EHD1: variants seen among roughly 807,000 people sequenced by gnomAD.
EHD1 encodes the protein EH domain containing 1.
In EHD1, 19 loss-of-function variants were observed where a neutral mutation model predicts 39.0. The ratio of observed to expected loss-of-function variants is 0.49; its 90% CI spans 0.34 to 0.72. EHD1 has a LOEUF of 0.72. Ranked by LOEUF, EHD1 falls within the 30% of genes least tolerant of loss-of-function variation. The pLI is 0.01. For synonymous variants in EHD1, 323 were observed against 331.2 expected (o/e 0.98, Z 0.27); for missense variants, 542 against 751.5 (o/e 0.72, Z 3.26).
rs1290798473 is a variant in EHD1 at position 64,860,087 on chromosome 11, C to T, written c.752G>A (p.Arg251Lys). 1 of 1,614,076 alleles carries T rather than the reference C, an allele frequency of 6.2e-7. No individual in the cohort carries two copies. The highest frequency in any genetic ancestry group is 8.5e-7 in the Non-Finnish European group (1 of 1,180,038). The change falls in exon 3 of 5, where the codon AGG (arginine) becomes AAG (lysine). Residue 251 changes from arginine (R) to lysine (K), a missense_variant. Transcript: ENST00000320631. The part of the protein sequence containing the change: ...GKIINTPEVV[R>K]VYIGSFWSHP... The stretch of plus-strand genomic sequence containing the variant: ...GGACCAGAAGGAGCCGATGTAGACC[C>T]TGACCACCTCGGGGGTGTTGATGAT...
intron 2 of EHD1, among the ~76,000 whole-genome samples, chr11:64,870,037 C>G (rs1293934212): frequency 6.6e-6 from 1 of 152,178 alleles, no homozygotes; most frequent in East Asian, 1.9e-4. Context: ...GCCCAGGCCA[C>G]CAGGCTCCCT....
chr11:64,878,400 G>A lies in EHD1; in HGVS notation c.65C>T (p.Ala22Val). The change falls in exon 1 of 5, where the codon GCT becomes GTT. Residue 22 changes from alanine to valine, a missense_variant. Coordinates refer to ENST00000320631, the MANE Select transcript of EHD1 (RefSeq NM_006795.4). ...CGCGTACAGCTGCCGCAGCCCCTCA[G>A]CCACCGTCTGGAAGAGCTCCGGCTC... ...KKEPELFQTVAEGLRQLYAQK... is the reference protein window; with the variant it reads ...KKEPELFQTVVEGLRQLYAQK... 1 of 1,613,838 alleles carries A rather than the reference G, an allele frequency of 6.2e-7. No homozygotes were observed. The highest frequency in any genetic ancestry group is 1.3e-5 in the African/African-American group (1 of 75,068).
intron 2 of EHD1, among the ~76,000 whole-genome samples, chr11:64,864,925 G>A (rs1450010895): frequency 6.6e-6 from 1 of 152,130 alleles, no homozygotes; most frequent in Non-Finnish European, 1.5e-5. Flanking sequence ...TGGGGAAAGA[G>A]AGAAAAAGGA....
intron 1 of EHD1, 57 bp downstream of exon 1, chr11:64,878,004 C>T: frequency 1.4e-6 from 2 of 1,461,246 alleles, no homozygotes; most frequent in Non-Finnish European, 9.0e-7. Flanking sequence ...GGTCAGGCTC[C>T]GAGTGAGGGG....
chr11:64,865,234 G>A (rs934253536), intron 2 of EHD1, among the ~76,000 whole-genome samples: 6 of 152,244 alleles, frequency 3.9e-5, no homozygotes, highest in African/African-American at 9.6e-5. Flanking sequence ...CAGGCCCACC[G>A]GCGCTCCTTA....
intron 2 of EHD1, among the ~76,000 whole-genome samples, chr11:64,861,465 T>G (rs79833358): frequency 0.015 from 2,226 of 152,220 alleles, 47 homozygotes; most frequent in African/African-American, 0.05. Flanking sequence ...CCTGGGACGG[T>G]AGTGACAAGA....
upstream of EHD1, chr11:64,878,780 A>C (rs1056304447): frequency 8.3e-6 from 10 of 1,202,626 alleles, no homozygotes; most frequent in Admixed American, 9.5e-5. Context: ...CCCCGCCCCC[A>C]TTGGCTGATT....
At chr11:64,864,552 C>CGCCT (rs1364240364) in intron 2 of EHD1, among the ~76,000 whole-genome samples, 3 of 152,206 alleles carry the variant, frequency 2.0e-5, no homozygotes, top group Non-Finnish European at 4.4e-5. Flanking sequence ...AAGCCTGCAG[C>CGCCT]GCCTGCCTGG....
Position 64,855,464 on chromosome 11 carries a change from G to A in EHD1, c.938C>T (p.Ser313Phe), listed in dbSNP as rs758299802. 2.5e-6 allele frequency: 4 copies of A among 1,613,980 alleles called. No individual in the cohort carries two copies. Among genetic ancestry groups the A allele is most frequent in the African/African-American group, 2.7e-5 (2 of 75,024 alleles). The change falls in exon 4 of 5, where the codon TCC becomes TTC. Residue 313 changes from serine to phenylalanine, a missense_variant. Transcript: ENST00000320631. ...LAKVHAYIIS[S>F]LKKEMPNVFG... The stretch of plus-strand genomic sequence containing the variant: ...GACATTGGGCATCTCTTTCTTGAGG[G>A]AGCTGATGATGTAGGCGTGAACCTG...
intron 2 of EHD1, among the ~76,000 whole-genome samples, chr11:64,869,591 C>T (rs1943806134): frequency 6.6e-6 from 1 of 152,256 alleles, no homozygotes; most frequent in African/African-American, 2.4e-5. Context: ...TCTACAATAA[C>T]TGGAGAGGCT....
upstream of EHD1, among the ~76,000 whole-genome samples, chr11:64,879,372 G>T (rs1244263112): frequency 6.6e-6 from 1 of 152,130 alleles, no homozygotes; most frequent in East Asian, 1.9e-4. Context: ...TCCCCACAAA[G>T]GCTATAGCTG....
intron 2 of EHD1, among the ~76,000 whole-genome samples, chr11:64,862,422 G>A (rs1334337884): frequency 1.3e-5 from 2 of 152,192 alleles, no homozygotes; most frequent in African/African-American, 4.8e-5. Context: ...AACAAGAAAA[G>A]GTGCATGAGC....
intron 2 of EHD1, among the ~76,000 whole-genome samples, chr11:64,862,916 A>G (rs1364311233): frequency 6.6e-6 from 1 of 152,208 alleles, no homozygotes; most frequent in Admixed American, 6.5e-5. Context: ...CTCTGCCCCT[A>G]GAGTAAAACT....
chr11:64,873,455 T>C (rs1943851085), intron 2 of EHD1, among the ~76,000 whole-genome samples: 1 of 152,190 alleles, frequency 6.6e-6, no homozygotes, highest in Admixed American at 6.5e-5. Flanking sequence ...GAGTCAGCAA[T>C]GCTTCCTGCA....
chr11:64,854,474 G>A lies in EHD1; in HGVS notation c.1464C>T (p.Ala488=), dbSNP rs752706189. The A allele has an allele frequency of 3.8e-5, 61 of 1,614,032 alleles. No individual in the cohort carries two copies. In the South Asian group the frequency reaches 5.2e-4, roughly 14 times the overall value. The change falls in exon 5 of 5, where the codon GCC becomes GCT. Residue 488 remains alanine, a synonymous_variant. Transcript: ENST00000320631. The part of the protein sequence containing the change: ...NTVLGKIWKL[A]DVDKDGLLDD... ...CCAGCAGCCCGTCCTTGTCCACGTC[G>A]GCCAGCTTCCAGATCTTCCCTAGCA... is the stretch of plus-strand genomic sequence containing the variant.
At chr11:64,874,935 G>A (rs1943869506) in intron 1 of EHD1, among the ~76,000 whole-genome samples, 1 of 152,214 alleles carries the variant, frequency 6.6e-6, no homozygotes, top group Non-Finnish European at 1.5e-5. Flanking sequence ...AAGAGAGCTG[G>A]CCGCTTCCTA....
At chr11:64,857,516 C>T (rs1482813989) in intron 3 of EHD1, among the ~76,000 whole-genome samples, 2 of 152,192 alleles carry the variant, frequency 1.3e-5, no homozygotes, top group Non-Finnish European at 2.9e-5. Flanking sequence ...CACGCCCGTG[C>T]ACACAGCTCA....
In EHD1 at chr11:64,868,764, G is replaced by A. The variant is rs1943795536; in HGVS notation, c.502+5657C>T. Among the ~76,000 whole-genome samples, 1 of 152,196 alleles carries A rather than the reference G, an allele frequency of 6.6e-6. No homozygotes were observed. The highest frequency in any genetic ancestry group is 1.5e-5 in the Non-Finnish European group (1 of 68,038). ...GTACAGCAGGGCACCTGAGGAGGGT[G>A]GACTTCACTACACACAACGTAGACC... On this transcript the variant is annotated intron_variant, in intron 2 of 4. Coordinates refer to ENST00000320631, the MANE Select transcript of EHD1 (RefSeq NM_006795.4). This position sits in a 1 kb window ranked among gnomAD's most constrained non-coding sequence, Gnocchi z 4.2.
chr11:64,872,401 T>C (rs1943839679), intron 2 of EHD1, among the ~76,000 whole-genome samples: 1 of 151,974 alleles, frequency 6.6e-6, no homozygotes, highest in South Asian at 2.1e-4. Flanking sequence ...GAGGAGGTTG[T>C]AGTGAACCGA....
Sources: allele counts gnomAD v4.1 joint callset (sites outside exome capture counted in the v4.1 genomes callset), GRCh38; gene constraint gnomAD v4.1.1; non-coding constraint Gnocchi (gnomAD v3.1); transcripts MANE v1.5; gene names NCBI Gene and HGNC (gene_info 2026-07-23, HGNC 2026-07-21).